Variants in RGS6 observed in about 807,000 individuals in gnomAD.
RGS6 encodes the protein regulator of G protein signaling 6.
In RGS6, 30 loss-of-function variants were observed where a neutral mutation model predicts 78.5. That is an observed-to-expected ratio of 0.38 (90% CI 0.29 to 0.52). The LOEUF is 0.52. Ranked by LOEUF, RGS6 falls within the 20% of genes least tolerant of loss-of-function variation. The pLI is 0.85. For synonymous variants in RGS6, 206 were observed against 206.0 expected, an observed-to-expected ratio of 1.00 and a Z score of 0.00; for missense variants, 495 against 609.7, an observed-to-expected ratio of 0.81 and a Z score of 1.98.
intron 13 of RGS6, among the ~76,000 whole-genome samples, chr14:72,497,825 A>AT (rs1237162088): frequency 1.3e-5 from 2 of 149,832 alleles, no homozygotes; most frequent in Admixed American, 6.6e-5. Flanking sequence ...TTAACTCAGG[A>AT]TTTTTTTTCT....
At chr14:72,035,218 C>CATAA (rs1432497357) in intron 2 of RGS6, among the ~76,000 whole-genome samples, 1 of 152,094 alleles carries the variant, frequency 6.6e-6, no homozygotes, top group Non-Finnish European at 1.5e-5. Context: ...CTTTATGATT[C>CATAA]AGTCTTGGTA....
At position 72,095,362 on chromosome 14, in the gene RGS6, A is replaced by G. The variant is rs188098123; in HGVS notation, c.84+130487A>G. Among the ~76,000 whole-genome samples, 930 of 152,118 alleles carry G rather than the reference A, an allele frequency of 6.1e-3. 6 individuals carry two copies. The highest frequency in any genetic ancestry group is 0.02 in the African/African-American group (832 of 41,510). On this transcript the variant is annotated intron_variant, in intron 2 of 17. Coordinates refer to ENST00000553525, the MANE Select transcript of RGS6 (RefSeq NM_001204424.2). ...CAGTTTCTTTTGTGCTTTCTGCTCT[A>G]TTTTTTGTAGTCTTTCAGCCTTTAT...
intron 17 of RGS6, among the ~76,000 whole-genome samples, chr14:72,560,156 A>G (rs146030754): frequency 6.6e-6 from 1 of 152,196 alleles, no homozygotes; most frequent in African/African-American, 2.4e-5. Flanking sequence ...AACGCTGTGG[A>G]TAGCAAACTC....
chr14:71,905,745 C>T, the RGS6 span, among the ~76,000 whole-genome samples: 3 of 152,182 alleles, frequency 2.0e-5, no homozygotes, highest in African/African-American at 7.2e-5. Context: ...CTGCCTTGGC[C>T]TCCCAAAGTG....
chr14:72,140,944 C>T (rs987233163), intron 2 of RGS6, among the ~76,000 whole-genome samples: 3 of 152,334 alleles, frequency 2.0e-5, no homozygotes, highest in Non-Finnish European at 4.4e-5. Flanking sequence ...GACCATACAA[C>T]TCTTACCGTG....
At chr14:72,387,601 T>C (rs2088625849) in intron 3 of RGS6, among the ~76,000 whole-genome samples, 1 of 152,096 alleles carries the variant, frequency 6.6e-6, no homozygotes, top group Non-Finnish European at 1.5e-5. Context: ...CACAGAGTTA[T>C]ATATTGTACA....
intron 2 of RGS6, among the ~76,000 whole-genome samples, chr14:72,036,200 A>G (rs200785460): frequency 5.6e-4 from 82 of 146,808 alleles, no homozygotes; most frequent in African/African-American, 1.8e-3. Context: ...GCATGTAAAC[A>G]TATTATTATT....
At chr14:72,004,835 A>G (rs946499039) in intron 2 of RGS6, among the ~76,000 whole-genome samples, 1 of 151,638 alleles carries the variant, frequency 6.6e-6, no homozygotes, top group East Asian at 1.9e-4. Context: ...CAAAGTAAAT[A>G]AATAAATAAA....
At chr14:72,061,777 G>T (rs550359100) in intron 2 of RGS6, among the ~76,000 whole-genome samples, 1 of 152,298 alleles carries the variant, frequency 6.6e-6, no homozygotes, top group South Asian at 2.1e-4. Flanking sequence ...TGCTATGATG[G>T]TGTCTATTAA....
At chr14:72,417,692 C>T (rs992056975) in intron 3 of RGS6, among the ~76,000 whole-genome samples, 1 of 152,200 alleles carries the variant, frequency 6.6e-6, no homozygotes, top group Non-Finnish European at 1.5e-5. Context: ...TCCTCACCTA[C>T]AAAATATGCA....
At chr14:72,396,936 TG>T (rs2091438974) in intron 3 of RGS6, among the ~76,000 whole-genome samples, 1 of 152,228 alleles carries the variant, frequency 6.6e-6, no homozygotes, top group Non-Finnish European at 1.5e-5. Context: ...CATGCTGTTT[TG>T]GTTACTGTGG....
intron 15 of RGS6, 91 bp downstream of exon 15, chr14:72,518,628 T>C: frequency 8.2e-7 from 1 of 1,215,084 alleles, no homozygotes; most frequent in Non-Finnish European, 1.2e-6. Context: ...GCATTGTGGG[T>C]AGTTAAAATT....
At chr14:71,942,622 T>G (rs1055217958) in intron 1 of RGS6, among the ~76,000 whole-genome samples, 2 of 152,214 alleles carry the variant, frequency 1.3e-5, no homozygotes, top group Admixed American at 6.5e-5. Flanking sequence ...CCAAAGGGTG[T>G]TGTTCTTTAC....
intron 16 of RGS6, chr14:72,537,754 T>A: frequency 1.7e-6 from 1 of 585,494 alleles, no homozygotes; most frequent in South Asian, 2.1e-5. Flanking sequence ...TCAAGACCCC[T>A]GATCTGATCA....
At chr14:72,053,030 C>T (rs1457587817) in intron 2 of RGS6, among the ~76,000 whole-genome samples, 6 of 8,342 alleles carry the variant, frequency 7.2e-4, no homozygotes, top group Non-Finnish European at 1.1e-3. Flanking sequence ...TCTTTCTTTC[C>T]CCCTCCCTCC....
chr14:72,393,449 C>A (rs1213722322), intron 3 of RGS6, among the ~76,000 whole-genome samples: 2 of 152,184 alleles, frequency 1.3e-5, no homozygotes, highest in African/African-American at 4.8e-5. Flanking sequence ...TTCCAAGGTA[C>A]AACCAGAGTC....
At chr14:72,371,368 G>A (rs940821593) in intron 3 of RGS6, among the ~76,000 whole-genome samples, 2 of 152,056 alleles carry the variant, frequency 1.3e-5, no homozygotes, top group African/African-American at 2.4e-5. Flanking sequence ...AAAATGCTAA[G>A]TGGAATGAAG....
intron 12 of RGS6, among the ~76,000 whole-genome samples, chr14:72,493,541 G>A (rs1566976568): frequency 1.3e-5 from 2 of 151,970 alleles, no homozygotes; most frequent in African/African-American, 2.4e-5. Flanking sequence ...GAAACAAAGG[G>A]TTTAAAATTA....
chr14:71,868,843 C>G, the RGS6 span, among the ~76,000 whole-genome samples: 1 of 152,180 alleles, frequency 6.6e-6, no homozygotes, highest in Admixed American at 6.5e-5. Context: ...AGCCACAACT[C>G]TACTGTGAGA....
Sources: gnomAD v4.1 joint callset for allele counts (sites outside exome capture counted in the v4.1 genomes callset) on GRCh38, gnomAD v4.1.1 for gene constraint, MANE v1.5 for transcripts, NCBI Gene and HGNC (gene_info 2026-07-23, HGNC 2026-07-21) for gene names.